PTK2: variants seen among roughly 807,000 people sequenced by gnomAD.
The protein encoded by PTK2 is focal adhesion kinase 1.
PTK2 carries 45 observed loss-of-function variants against 150.1 expected under a neutral mutation model. The observed-to-expected ratio is 0.30, with a 90% CI of 0.24 to 0.38. PTK2 has a LOEUF of 0.38. Ranked by LOEUF, PTK2 falls within the 10% of genes least tolerant of loss-of-function variation. The pLI, the probability that PTK2 is intolerant of heterozygous loss-of-function variation, is 1.00. For synonymous variants in PTK2, 432 were observed against 449.2 expected (o/e 0.96, Z 0.48); for missense variants, 919 against 1,307.3 (o/e 0.70, Z 4.58).
chr8:140,827,003 A>G (rs1172321983), intron 8 of PTK2, among the ~76,000 whole-genome samples: 2 of 152,090 alleles, frequency 1.3e-5, no homozygotes, highest in African/African-American at 4.8e-5. Flanking sequence ...CCAGGCCTTG[A>G]TCATTGCACA....
chr8:140,706,308 A>C, intron 23 of PTK2, 103 bp from the exon 27 acceptor site: 1 of 819,252 alleles, frequency 1.2e-6, no homozygotes, highest in Non-Finnish European at 2.0e-6. Flanking sequence ...TTACTTGAAA[A>C]GAATGATAAA....
At chr8:140,917,980 G>T (rs890211978) in intron 2 of PTK2, among the ~76,000 whole-genome samples, 1 of 152,112 alleles carries the variant, frequency 6.6e-6, no homozygotes, top group South Asian at 2.1e-4. Flanking sequence ...GTATTTTTCT[G>T]TGCACACTAG....
At chr8:140,750,865 C>G (rs1324827710) in intron 17 of PTK2, among the ~76,000 whole-genome samples, 1 of 152,218 alleles carries the variant, frequency 6.6e-6, no homozygotes, top group African/African-American at 2.4e-5. Context: ...GCAGGCAGAG[C>G]CTAGAACTTT....
At chr8:140,822,624 T>A (rs1466502895) in intron 8 of PTK2, among the ~76,000 whole-genome samples, 1 of 152,208 alleles carries the variant, frequency 6.6e-6, no homozygotes, top group Non-Finnish European at 1.5e-5. Context: ...GATGCTCTGC[T>A]TGATAGAAGA....
intron 24 of PTK2, among the ~76,000 whole-genome samples, chr8:140,704,244 GAAGT>G (rs1296962744): frequency 1.3e-5 from 2 of 152,168 alleles, no homozygotes; most frequent in African/African-American, 2.4e-5. Context: ...GGCTAAAAAT[GAAGT>G]AACATCAGGA....
At chr8:140,686,815 T>C (rs868196132) in intron 26 of PTK2, 121 bp from the exon 30 acceptor site, 14 of 851,646 alleles carry the variant, frequency 1.6e-5, no homozygotes, top group Admixed American at 2.7e-5. Context: ...GAGTTGAAAG[T>C]TCCCCCGTTT....
intron 14 of PTK2, chr8:140,771,475 G>A (rs547982891): frequency 6.6e-6 from 1 of 152,310 alleles, no homozygotes; most frequent in Admixed American, 6.5e-5. Flanking sequence ...CTGCAGTATG[G>A]TAATGGCAAT....
chr8:140,691,810 T>C (rs373782632), intron 26 of PTK2, among the ~76,000 whole-genome samples: 9 of 152,342 alleles, frequency 5.9e-5, no homozygotes, highest in East Asian at 5.8e-4. Context: ...AGATGTGTAG[T>C]AAATATTTGC....
chr8:140,985,417 T>C (rs1416609816), intron 1 of PTK2, among the ~76,000 whole-genome samples: 1 of 152,198 alleles, frequency 6.6e-6, no homozygotes, highest in Non-Finnish European at 1.5e-5. Flanking sequence ...TGAGTCACTG[T>C]GCCTGGCCTC....
intron 22 of PTK2, 129 bp downstream of exon 25, chr8:140,735,122 T>G: frequency 2.4e-6 from 2 of 822,654 alleles, no homozygotes; most frequent in Admixed American, 2.7e-5. Flanking sequence ...TAAAAGTAAT[T>G]GCATTTGAAC....
Position 140,746,775 on chromosome 8 carries a change from C to G in PTK2, c.1503G>C (p.Leu501=), listed in dbSNP as rs146260066. The G allele has an allele frequency of 8.4e-5, 135 of 1,611,466 alleles. No individual in the cohort carries two copies. The African/African-American group carries it at 1.7e-3, about 20-fold the overall frequency. Residue 501 remains leucine, a synonymous_variant, in exon 18 of 32, where the codon CTG becomes CTC. Transcript: ENST00000522684. ...ATCACAGTACCTCTCCAAGTGTGCA[C>G]AGCTCCATGATTATCCAGACAGGAT... is the stretch of plus-strand genomic sequence containing the variant.
At chr8:140,955,692 C>T (rs1317895663) in intron 1 of PTK2, among the ~76,000 whole-genome samples, 4 of 152,136 alleles carry the variant, frequency 2.6e-5, no homozygotes, top group Admixed American at 6.5e-5. Context: ...GATAAAAGAT[C>T]GGAAGCATAG....
chr8:140,861,877 C>T (rs2100136334), intron 5 of PTK2, among the ~76,000 whole-genome samples: 2 of 152,088 alleles, frequency 1.3e-5, no homozygotes, highest in African/African-American at 4.8e-5. Context: ...TTTTTTTAGA[C>T]CACTCTGACT....
At chr8:140,666,257 G>A (rs569583402) in intron 30 of PTK2, among the ~76,000 whole-genome samples, 52 of 152,284 alleles carry the variant, frequency 3.4e-4, no homozygotes, top group Non-Finnish European at 6.6e-4. Context: ...AGAATTGCTT[G>A]AACCTGGGAG....
At chr8:140,977,933 C>G (rs896682240) in intron 1 of PTK2, among the ~76,000 whole-genome samples, 2 of 152,074 alleles carry the variant, frequency 1.3e-5, no homozygotes, top group Non-Finnish European at 2.9e-5. Context: ...CAGAACAGAG[C>G]CCTCAGAAAT....
intron 5 of PTK2, among the ~76,000 whole-genome samples, chr8:140,852,196 A>C (rs1228997048): frequency 6.6e-6 from 1 of 152,218 alleles, no homozygotes. Context: ...AACGGTGAAG[A>C]AGACAGACTT....
At chr8:140,900,780 T>C (rs1159261623) in intron 2 of PTK2, among the ~76,000 whole-genome samples, 1 of 151,782 alleles carries the variant, frequency 6.6e-6, no homozygotes, top group East Asian at 1.9e-4. Context: ...TTGAAAAATA[T>C]TTCATGTTAA....
At chr8:140,785,021 C>T (rs370452886) in intron 14 of PTK2, among the ~76,000 whole-genome samples, 6 of 152,174 alleles carry the variant, frequency 3.9e-5, no homozygotes, top group East Asian at 1.9e-4. Context: ...CCACAAAGAG[C>T]GACAAACTGT....
chr8:140,676,852 T>C (rs1235945982), intron 27 of PTK2, among the ~76,000 whole-genome samples: 1 of 143,860 alleles, frequency 7.0e-6, no homozygotes, highest in Non-Finnish European at 1.5e-5. Context: ...GGCGGGAGAA[T>C]TGCTTGAACC....
Sources: gnomAD v4.1 joint callset for allele counts (sites outside exome capture counted in the v4.1 genomes callset) on GRCh38, gnomAD v4.1.1 for gene constraint, MANE v1.5 for transcripts, NCBI Gene and HGNC (gene_info 2026-07-23, HGNC 2026-07-21) for gene names.